The following ERC2 variants were observed in gnomAD, a reference collection of about 807,000 sequenced individuals.
The protein encoded by ERC2 is ELKS/RAB6-interacting/CAST family member 2, also known as ERC protein 2.
In ERC2, 42 loss-of-function variants were observed where a neutral mutation model predicts 114.8. The observed-to-expected ratio is 0.37, with a 90% CI of 0.29 to 0.47. ERC2 has a LOEUF of 0.47. Among genes scored for constraint, ERC2 ranks in the 20% least tolerant of loss-of-function variants. ERC2 has a pLI of 0.99. For synonymous variants in ERC2, 454 were observed against 425.5 expected, an observed-to-expected ratio of 1.07 and a Z score of -0.82; for missense variants, 939 against 1,150.7, an observed-to-expected ratio of 0.82 and a Z score of 2.66.
At chr3:55,653,220 A>ATG (rs3059339) in intron 17 of ERC2, among the ~76,000 whole-genome samples, 142,275 of 152,116 alleles carry the variant, frequency 0.94, 66,600 homozygotes, top group East Asian at 1. Context: ...TATATATTTT[A>ATG]TGTGTGTAAG....
chr3:55,566,132 C>G (rs371226122), intron 17 of ERC2, among the ~76,000 whole-genome samples: 1 of 152,300 alleles, frequency 6.6e-6, no homozygotes, highest in East Asian at 1.9e-4. Flanking sequence ...TCAAGAGCAT[C>G]TACTTGGTCC....
intron 17 of ERC2, among the ~76,000 whole-genome samples, chr3:55,605,652 A>G (rs1159131324): frequency 6.6e-6 from 1 of 152,324 alleles, no homozygotes; most frequent in African/African-American, 2.4e-5. Flanking sequence ...TTTTTATTGC[A>G]AAAGTATGTG....
At chr3:55,937,241 T>C (rs1307322942) in intron 13 of ERC2, among the ~76,000 whole-genome samples, 1 of 152,078 alleles carries the variant, frequency 6.6e-6, no homozygotes, top group African/African-American at 2.4e-5. Context: ...CCCAGCTACT[T>C]GGAAGTCTGA....
At chr3:55,665,999 C>T (rs973389970) in intron 17 of ERC2, among the ~76,000 whole-genome samples, 2 of 152,200 alleles carry the variant, frequency 1.3e-5, no homozygotes, top group African/African-American at 4.8e-5. Flanking sequence ...ACATCACAGC[C>T]TCAGGTGGGG....
At chr3:55,799,223 C>G (rs2070774176) in intron 14 of ERC2, among the ~76,000 whole-genome samples, 1 of 151,986 alleles carries the variant, frequency 6.6e-6, no homozygotes, top group African/African-American at 2.4e-5. Flanking sequence ...TGTGGACTAA[C>G]TGGCTACCTA....
intron 13 of ERC2, among the ~76,000 whole-genome samples, chr3:55,894,331 C>T (rs922001): frequency 0.35 from 52,537 of 152,054 alleles, 11,255 homozygotes; most frequent in African/African-American, 0.6. Flanking sequence ...ATGTATTAAG[C>T]ATTACCATTG....
At chr3:56,213,053 A>G (rs2049179583) in intron 3 of ERC2, among the ~76,000 whole-genome samples, 1 of 152,198 alleles carries the variant, frequency 6.6e-6, no homozygotes, top group African/African-American at 2.4e-5. Flanking sequence ...TGTGAAGGAT[A>G]AAAGACTACA....
intron 14 of ERC2, among the ~76,000 whole-genome samples, chr3:55,799,482 C>CATATATATATATATATATATA (rs2070867409): frequency 2.5e-5 from 2 of 81,244 alleles, no homozygotes; most frequent in Middle Eastern, 8.6e-3. Context: ...TATGCCTTAT[C>CATATATATATATATATATATA]TATCACACGG....
intron 13 of ERC2, among the ~76,000 whole-genome samples, chr3:55,921,512 G>A (rs1049262856): frequency 6.6e-6 from 1 of 152,040 alleles, no homozygotes; most frequent in Admixed American, 6.6e-5. Context: ...TCAAAATTCT[G>A]TCATCGCAAA....
intron 1 of ERC2, among the ~76,000 whole-genome samples, chr3:56,446,625 C>CTTTTT (rs1318263302): frequency 2.7e-5 from 3 of 112,338 alleles, no homozygotes; most frequent in South Asian, 3.1e-4. Context: ...TTTTTTTTTT[C>CTTTTT]TTTCTTTTTT....
At chr3:55,785,531 G>A (rs1023589779) in intron 14 of ERC2, among the ~76,000 whole-genome samples, 5 of 152,110 alleles carry the variant, frequency 3.3e-5, no homozygotes, top group Admixed American at 1.3e-4. Context: ...ACTCTCCAAT[G>A]CCCTGCATTC....
intron 14 of ERC2, among the ~76,000 whole-genome samples, chr3:55,856,821 A>G (rs2061807598): frequency 6.6e-6 from 1 of 152,210 alleles, no homozygotes; most frequent in Admixed American, 6.5e-5. Flanking sequence ...TCAATAGAAT[A>G]TTATTTGGCA....
chr3:56,337,454 C>G (rs1208581510), intron 2 of ERC2, among the ~76,000 whole-genome samples: 1 of 152,210 alleles, frequency 6.6e-6, no homozygotes, highest in Non-Finnish European at 1.5e-5. Flanking sequence ...ACCTAATCCT[C>G]AGGGTCCTCA....
intron 2 of ERC2, among the ~76,000 whole-genome samples, chr3:56,349,354 C>T (rs2058462314): frequency 6.6e-6 from 1 of 152,190 alleles, no homozygotes; most frequent in South Asian, 2.1e-4. Context: ...TAAGGGCACA[C>T]ACCCACTTAC....
chr3:55,707,387 T>C (rs2063547280), intron 15 of ERC2, among the ~76,000 whole-genome samples: 1 of 152,170 alleles, frequency 6.6e-6, no homozygotes, highest in South Asian at 2.1e-4. Flanking sequence ...TGCAATAAGC[T>C]GTGATCATGC....
At position 55,586,410 on chromosome 3, in the gene ERC2, C is replaced by T. The variant is rs886072731; in HGVS notation, c.*40-75134G>A. 7.2e-5 allele frequency among the ~76,000 whole-genome samples: 11 copies of T among 152,318 alleles called. No homozygotes were observed. The East Asian group carries it at 1.5e-3, about 21-fold the overall frequency. On this transcript the variant is annotated intron_variant, in intron 17 of 17. Transcript: ENST00000288221. The stretch of plus-strand genomic sequence containing the variant: ...CTATTTGACTATGATAGCAGAAATG[C>T]CACTATGACTGAAAGCATCTTACCG...
chr3:56,378,530 C>T (rs2059632103), intron 2 of ERC2, among the ~76,000 whole-genome samples: 1 of 144,726 alleles, frequency 6.9e-6, no homozygotes, highest in Non-Finnish European at 1.5e-5. Context: ...ATGTAACTAA[C>T]CTGCACAATG....
intron 17 of ERC2, chr3:55,657,365 G>C (rs116135987): frequency 6.6e-6 from 1 of 152,296 alleles, no homozygotes; most frequent in Non-Finnish European, 1.5e-5. Context: ...CCAAGTCCTT[G>C]AGATGGGAGG....
intron 6 of ERC2, among the ~76,000 whole-genome samples, chr3:56,085,199 G>C (rs897822223): frequency 6.6e-6 from 1 of 152,178 alleles, no homozygotes; most frequent in African/African-American, 2.4e-5. Context: ...TCCTTTTCTT[G>C]CTCCTTGCCA....
Sources: allele counts gnomAD v4.1 joint callset (sites outside exome capture counted in the v4.1 genomes callset), GRCh38; gene constraint gnomAD v4.1.1; transcripts MANE v1.5; gene names NCBI Gene and HGNC (gene_info 2026-07-23, HGNC 2026-07-21).